PDGFRL: variants seen among roughly 807,000 people sequenced by gnomAD.
PDGFRL encodes the protein platelet-derived growth factor receptor-like protein.
In PDGFRL, 46 loss-of-function variants were observed where a neutral mutation model predicts 37.2. The ratio of observed to expected loss-of-function variants is 1.24; its 90% confidence interval spans 0.98 to 1.58. The LOEUF is 1.58. PDGFRL is among the 40% of genes most tolerant of loss of function. PDGFRL has a pLI of 0.00. For missense variants in PDGFRL, 692 were observed against 467.6 expected, an observed-to-expected ratio of 1.48 and a Z score of -4.43; for synonymous variants, 251 against 184.3, an observed-to-expected ratio of 1.36 and a Z score of -2.93.
chr8:17,579,152 G>A (rs1585293290), intron 1 of PDGFRL, among the ~76,000 whole-genome samples: 1 of 152,076 alleles, frequency 6.6e-6, no homozygotes, highest in Non-Finnish European at 1.5e-5. Context: ...AGCCGAGATC[G>A]CACCACTGCA....
At chr8:17,602,362 T>C (rs1241679698) in intron 2 of PDGFRL, among the ~76,000 whole-genome samples, 8 of 152,160 alleles carry the variant, frequency 5.3e-5, no homozygotes, top group African/African-American at 1.9e-4. Flanking sequence ...GAGCCCTAGT[T>C]CCTGAGGCAG....
chr8:17,607,403 T>C (rs1159844937), intron 2 of PDGFRL, among the ~76,000 whole-genome samples: 6 of 152,322 alleles, frequency 3.9e-5, no homozygotes. Context: ...CAAATATGTA[T>C]TTAAAAAAAC....
rs13271071 is a variant in PDGFRL at position 17,621,219 on chromosome 8, A to G, written c.505+17A>G. ...TTTTTACAGGTAAAATACTTGGTGC[A>G]TTAATGGAACTCTTCAAACTTCTGG... On this transcript the variant is annotated intron_variant, in intron 3 of 5. Transcript: ENST00000251630. 74,455 of 1,579,690 alleles carry G rather than the reference A, an allele frequency of 0.047. 1,974 individuals are homozygous for G. The highest frequency in any genetic ancestry group is 0.072 in the South Asian group (6,327 of 88,436).
At chr8:17,576,607 A>G (rs75865284), upstream of PDGFRL, 1,725 of 452,950 alleles carry the variant, frequency 3.8e-3, 30 homozygotes, top group African/African-American at 0.032. Flanking sequence ...CCTCACCACC[A>G]GAGGCCCGGG....
At chr8:17,638,761 ATATATATATATATAT>A (rs1563532457) in intron 5 of PDGFRL, among the ~76,000 whole-genome samples, 3 of 113,030 alleles carry the variant, frequency 2.7e-5, no homozygotes, top group African/African-American at 4.1e-5. Context: ...ATATATATAT[ATATATATATATATAT>A]ATATATATAT....
chr8:17,632,887 G>T (rs1053002008), intron 4 of PDGFRL, among the ~76,000 whole-genome samples: 2 of 152,218 alleles, frequency 1.3e-5, no homozygotes, highest in Non-Finnish European at 1.5e-5. Context: ...TCTGAAGCTC[G>T]GCCTTGAGAT....
Position 17,642,936 on chromosome 8 carries a change from G to T in PDGFRL, c.*135G>T. ...CCCAACCCCAGCGTCTCGTGAGTCC[G>T]ACCCAGACATCCAAACTAAAAGGAA... On this transcript the variant is annotated 3_prime_UTR_variant, in exon 6 of 6. Coordinates refer to ENST00000251630, the MANE Select transcript of PDGFRL (RefSeq NM_001372073.1). The T allele has an allele frequency of 1.7e-6, 1 of 605,118 alleles. No individual in the cohort carries two copies. The highest frequency in any genetic ancestry group is 2.9e-6 in the Non-Finnish European group (1 of 343,184). The allele number at this position is 605,118 out of a possible 1,614,324, so 37.5% of individuals were successfully genotyped here. A position where few individuals can be genotyped will look rare whatever the true frequency, so the allele number is the denominator to read the frequency against.
chr8:17,624,725 A>T (rs1211517284), intron 3 of PDGFRL, among the ~76,000 whole-genome samples: 1 of 152,144 alleles, frequency 6.6e-6, no homozygotes, highest in Non-Finnish European at 1.5e-5. Flanking sequence ...CCTAACCAAC[A>T]TGGCGAAACT....
chr8:17,592,953 A>G (rs1002566107), intron 2 of PDGFRL, among the ~76,000 whole-genome samples: 3 of 135,632 alleles, frequency 2.2e-5, no homozygotes, highest in Non-Finnish European at 4.8e-5. Flanking sequence ...CACACACACT[A>G]CTCTACACAC....
At chr8:17,604,660 T>C (rs28617502) in intron 2 of PDGFRL, among the ~76,000 whole-genome samples, 5,586 of 152,078 alleles carry the variant, frequency 0.037, 191 homozygotes, top group East Asian at 0.15. Flanking sequence ...GGGTGCAGCA[T>C]ACCAGCATGG....
chr8:17,609,855 A>G (rs1804370074), intron 2 of PDGFRL, among the ~76,000 whole-genome samples: 1 of 152,014 alleles, frequency 6.6e-6, no homozygotes. Flanking sequence ...TATTCCCAAG[A>G]TCTCTGTAGT....
At chr8:17,586,280 C>G (rs947291527) in intron 1 of PDGFRL, among the ~76,000 whole-genome samples, 7 of 152,138 alleles carry the variant, frequency 4.6e-5, no homozygotes, top group South Asian at 2.1e-4. Flanking sequence ...CCAACATCTC[C>G]TCACCGAGGG....
At chr8:17,635,483 G>A (rs1028347242) in intron 5 of PDGFRL, among the ~76,000 whole-genome samples, 4 of 152,210 alleles carry the variant, frequency 2.6e-5, no homozygotes, top group Non-Finnish European at 5.9e-5. Context: ...TGGCTGAGTA[G>A]TATTCCATGG....
intron 2 of PDGFRL, among the ~76,000 whole-genome samples, chr8:17,612,930 A>G (rs545416787): frequency 6.6e-6 from 1 of 152,250 alleles, no homozygotes; most frequent in African/African-American, 2.4e-5. Context: ...CTCTTTTATG[A>G]TTAACTTTTC....
chr8:17,636,739 A>T (rs1477195602), intron 5 of PDGFRL, among the ~76,000 whole-genome samples: 1 of 152,140 alleles, frequency 6.6e-6, no homozygotes, highest in Admixed American at 6.5e-5. Flanking sequence ...GATTCTACCC[A>T]TCCATGAGCA....
chr8:17,605,522 G>A (rs1218978961), intron 2 of PDGFRL, among the ~76,000 whole-genome samples: 1 of 152,164 alleles, frequency 6.6e-6, no homozygotes, highest in African/African-American at 2.4e-5. Context: ...CACACTTCCA[G>A]GGTGTAAAGC....
In PDGFRL at chr8:17,621,208, A is replaced by C; in HGVS notation, c.505+6A>C. ...CACCTACATCTTTTTTACAGGTAAA[A>C]TACTTGGTGCATTAATGGAACTCTT... On this transcript the variant is annotated splice_donor_region_variant and intron_variant, in intron 3 of 5. Coordinates refer to ENST00000251630, the MANE Select transcript of PDGFRL (RefSeq NM_001372073.1). 6.3e-7 allele frequency: 1 copy of C among 1,598,102 alleles called. No individual in the cohort carries two copies. Among genetic ancestry groups the C allele is most frequent in the Admixed American group, 1.7e-5 (1 of 59,146 alleles).
At chr8:17,617,684 C>T (rs1293520957) in intron 2 of PDGFRL, among the ~76,000 whole-genome samples, 2 of 152,200 alleles carry the variant, frequency 1.3e-5, no homozygotes, top group Non-Finnish European at 2.9e-5. Context: ...AAATGCAGAA[C>T]TGTTTTCCAG....
chr8:17,607,943 C>T (rs977954632), intron 2 of PDGFRL, among the ~76,000 whole-genome samples: 6 of 152,362 alleles, frequency 3.9e-5, no homozygotes, highest in Non-Finnish European at 7.3e-5. Flanking sequence ...CCTCCAGTGT[C>T]CGGGCTTGGC....
Sources: gnomAD v4.1 joint callset for allele counts (sites outside exome capture counted in the v4.1 genomes callset) on GRCh38, gnomAD v4.1.1 for gene constraint, MANE v1.5 for transcripts, NCBI Gene and HGNC (gene_info 2026-07-23, HGNC 2026-07-21) for gene names.